The following SNX24 variants were observed in gnomAD, a reference collection of about 807,000 sequenced individuals.
SNX24 encodes the protein sorting nexin 24.
Under a neutral mutation model 28.7 loss-of-function variants are expected in SNX24, and 22 were observed. The observed-to-expected ratio is 0.77, with a 90% CI of 0.55 to 1.10. The LOEUF is 1.10. SNX24 is among the 50% of genes least tolerant of loss of function. The pLI is 0.00. For synonymous variants in SNX24, 69 were observed against 71.5 expected (o/e 0.96, Z 0.18); for missense variants, 221 against 201.1 (o/e 1.10, Z -0.60).
Position 122,997,771 on chromosome 5 carries a change from G to C in SNX24, c.250-2141G>C, listed in dbSNP as rs570519357. On this transcript the variant is annotated intron_variant, in intron 3 of 6. Coordinates refer to ENST00000261369, the MANE Select transcript of SNX24 (RefSeq NM_014035.4). ...ATTTAATTTATTTTAAGAAGGTGGGGGTGGAGATAAGAATGTTATACCCTC... is the reference window on the plus strand; with the variant it reads ...ATTTAATTTATTTTAAGAAGGTGGGCGTGGAGATAAGAATGTTATACCCTC... 4.1e-4 allele frequency among the ~76,000 whole-genome samples: 62 copies of C among 152,182 alleles called. No homozygotes were observed. In the South Asian group the frequency reaches 0.011, roughly 27 times the overall value.
intron 1 of SNX24, among the ~76,000 whole-genome samples, chr5:122,912,752 A>G (rs1488840691): frequency 8.4e-6 from 1 of 118,974 alleles, no homozygotes; most frequent in Non-Finnish European, 1.8e-5. Flanking sequence ...TTTTTTTTTT[A>G]ATTGATCATT....
intron 1 of SNX24, among the ~76,000 whole-genome samples, chr5:122,929,974 C>G (rs1016008995): frequency 1.3e-5 from 2 of 151,878 alleles, no homozygotes; most frequent in Non-Finnish European, 2.9e-5. Flanking sequence ...TTTCCCTTGC[C>G]CTTGGTGGAA....
intron 5 of SNX24, among the ~76,000 whole-genome samples, chr5:123,016,658 T>TA (rs1469258119): frequency 3.3e-5 from 5 of 151,930 alleles, no homozygotes; most frequent in Admixed American, 3.3e-4. Context: ...GAGGATGAGA[T>TA]ACAGAGATTC....
intron 3 of SNX24, among the ~76,000 whole-genome samples, chr5:122,975,874 C>T (rs1482683344): frequency 2.0e-5 from 3 of 152,140 alleles, no homozygotes; most frequent in African/African-American, 7.2e-5. Flanking sequence ...TTCCCATATA[C>T]CTTTAAGGGA....
At chr5:122,888,956 A>G (rs1756834099) in intron 1 of SNX24, among the ~76,000 whole-genome samples, 1 of 152,056 alleles carries the variant, frequency 6.6e-6, no homozygotes, top group South Asian at 2.1e-4. Flanking sequence ...GGTTCAAGCA[A>G]TTCTCCTGCC....
At chr5:122,923,516 C>G (rs1040211471) in intron 1 of SNX24, among the ~76,000 whole-genome samples, 4 of 152,124 alleles carry the variant, frequency 2.6e-5, no homozygotes, top group South Asian at 2.1e-4. Flanking sequence ...CATTCTTAAA[C>G]AGGAACAAGG....
At chr5:122,941,739 A>G (rs1332513788) in intron 2 of SNX24, among the ~76,000 whole-genome samples, 3 of 152,212 alleles carry the variant, frequency 2.0e-5, no homozygotes, top group Non-Finnish European at 4.4e-5. Context: ...AGTATTTGGC[A>G]AATGGTATAT....
At chr5:122,978,093 A>T (rs1382152410) in intron 3 of SNX24, among the ~76,000 whole-genome samples, 1 of 152,304 alleles carries the variant, frequency 6.6e-6, no homozygotes, top group East Asian at 1.9e-4. Flanking sequence ...AACAAATAGC[A>T]TTACTCATTT....
rs1190604015 is a variant in SNX24 at position 123,023,879 on chromosome 5, C to T, written n.384-5359C>T. 2.5e-6 allele frequency: 4 copies of T among 1,612,434 alleles called. No individual in the cohort carries two copies. The South Asian group carries it at 4.4e-5, about 18-fold the overall frequency. On this transcript the variant is annotated intron_variant and non_coding_transcript_variant, in intron 5 of 5. Transcript: ENST00000502387. Reference sequence around the variant, plus strand: ...CCTTGTTTTCTGCCAGTTGTGTCACCAATCAGCGATCTCAACCACAAAAGG... The same window carrying T: ...CCTTGTTTTCTGCCAGTTGTGTCACTAATCAGCGATCTCAACCACAAAAGG...
chr5:123,004,306 C>T (rs1762347524), intron 6 of SNX24, among the ~76,000 whole-genome samples: 1 of 152,140 alleles, frequency 6.6e-6, no homozygotes, highest in East Asian at 1.9e-4. Flanking sequence ...CTGGGAAACT[C>T]AAAACAACTC....
intron 3 of SNX24, among the ~76,000 whole-genome samples, chr5:122,977,184 T>A (rs922956209): frequency 4.6e-5 from 7 of 152,088 alleles, no homozygotes; most frequent in African/African-American, 1.7e-4. Flanking sequence ...ATTCATAGAG[T>A]TATTCATTTA....
intron 3 of SNX24, among the ~76,000 whole-genome samples, chr5:122,970,731 G>A (rs1003330937): frequency 3.3e-5 from 5 of 152,170 alleles, no homozygotes; most frequent in Non-Finnish European, 7.3e-5. Context: ...GCCTCCCAAA[G>A]TGCTGGAATT....
At chr5:122,887,890 A>G (rs1015826787) in intron 1 of SNX24, among the ~76,000 whole-genome samples, 4 of 152,176 alleles carry the variant, frequency 2.6e-5, no homozygotes, top group African/African-American at 7.2e-5. Context: ...TTCAGTAAAG[A>G]TGAGTTTTCA....
intron 1 of SNX24, among the ~76,000 whole-genome samples, chr5:122,906,595 G>A (rs1012482547): frequency 6.6e-6 from 1 of 152,078 alleles, no homozygotes; most frequent in African/African-American, 2.4e-5. Context: ...TGCAACCTCC[G>A]CCTCCCAGGT....
intron 3 of SNX24, among the ~76,000 whole-genome samples, chr5:122,992,636 A>G (rs1761903030): frequency 1.3e-5 from 2 of 152,188 alleles, no homozygotes; most frequent in Non-Finnish European, 2.9e-5. Flanking sequence ...GTGCTTTGTT[A>G]CTAATGATCA....
In SNX24 at chr5:122,913,302, G is replaced by A. The variant is rs1193261689; in HGVS notation, c.61-23432G>A. Among the ~76,000 whole-genome samples the A allele has an allele frequency of 6.0e-4, 90 of 150,478 alleles. 1 individual carries two copies. The South Asian group carries it at 7.4e-3, about 12-fold the overall frequency. ...CCAGTAGGGGCGGCCGGGCAGAGGC[G>A]CCCCCCACCTCCCTCCCAGACGGGG... is the stretch of plus-strand genomic sequence containing the variant. On this transcript the variant is annotated intron_variant, in intron 1 of 6. Transcript: ENST00000261369.
At chr5:122,864,686 A>G (rs1755641076) in intron 1 of SNX24, among the ~76,000 whole-genome samples, 1 of 152,200 alleles carries the variant, frequency 6.6e-6, no homozygotes, top group Non-Finnish European at 1.5e-5. Flanking sequence ...CAGATGAGCC[A>G]GTTTATCGAT....
intron 1 of SNX24, among the ~76,000 whole-genome samples, chr5:122,905,272 G>A (rs996255585): frequency 6.6e-6 from 1 of 152,084 alleles, no homozygotes; most frequent in Admixed American, 6.6e-5. Flanking sequence ...AGGAGGGAAG[G>A]GGTATGTGGG....
At chr5:122,873,894 T>C (rs1230710496) in intron 1 of SNX24, among the ~76,000 whole-genome samples, 1 of 151,800 alleles carries the variant, frequency 6.6e-6, no homozygotes, top group African/African-American at 2.4e-5. Context: ...GCCTCCTGAG[T>C]AGCTGGGGTT....
Sources: gnomAD v4.1 joint callset for allele counts (sites outside exome capture counted in the v4.1 genomes callset) on GRCh38, gnomAD v4.1.1 for gene constraint, MANE v1.5 for transcripts, NCBI Gene and HGNC (gene_info 2026-07-23, HGNC 2026-07-21) for gene names.